TPST2: variants seen among roughly 807,000 people sequenced by gnomAD.
TPST2 encodes the protein protein-tyrosine sulfotransferase 2.
TPST2 carries 16 observed loss-of-function variants against 27.8 expected under a neutral mutation model. The observed-to-expected ratio is 0.58, with a 90% CI of 0.39 to 0.88. The LOEUF (loss-of-function observed/expected upper bound fraction) is 0.88. Ranked by LOEUF, TPST2 falls within the 40% of genes least tolerant of loss-of-function variation. The probability of loss-of-function intolerance (pLI) is 0.00; values close to 1 mark genes in which losing one functional copy is unlikely to be tolerated. For synonymous variants in TPST2, 229 were observed against 231.7 expected (o/e 0.99, Z 0.10); for missense variants, 464 against 543.1 (o/e 0.85, Z 1.45).
At chr22:26,532,650 T>G in intron 5 of TPST2, 45 bp downstream of exon 5, 1 of 1,593,246 alleles carries the variant, frequency 6.3e-7, no homozygotes, top group East Asian at 2.2e-5. Flanking sequence ...GATGGTGGTA[T>G]AGCTGAGAAA....
intron 5 of TPST2, among the ~76,000 whole-genome samples, chr22:26,530,631 C>CAAAAAAAAAAAAAAAAAAAAAAAAAA (rs34776057): frequency 3.4e-5 from 4 of 118,288 alleles, no homozygotes; most frequent in African/African-American, 6.5e-5. Context: ...AACCCCATCT[C>CAAAAAAAAAAAAAAAAAAAAAAAAAA]AAAAAAAAAA....
chr22:26,532,156 C>G (rs1010953916), intron 5 of TPST2, among the ~76,000 whole-genome samples: 3 of 152,198 alleles, frequency 2.0e-5, no homozygotes, highest in Non-Finnish European at 4.4e-5. Context: ...GTCCCTCCAA[C>G]TGCATTCAAG....
At chr22:26,554,026 G>A (rs1329439859) in intron 1 of TPST2, among the ~76,000 whole-genome samples, 1 of 152,158 alleles carries the variant, frequency 6.6e-6, no homozygotes. Context: ...TGACCCTCAT[G>A]ACAGGCTTGG....
At chr22:26,569,233 G>A (rs1444911460) in intron 1 of TPST2, among the ~76,000 whole-genome samples, 1 of 152,166 alleles carries the variant, frequency 6.6e-6, no homozygotes. Flanking sequence ...CCCCGTTCCA[G>A]TAACAGTTCC....
chr22:26,570,041 A>AAGAAAGACAGAC (rs1602296032), intron 1 of TPST2, among the ~76,000 whole-genome samples: 3 of 103,348 alleles, frequency 2.9e-5, no homozygotes, highest in African/African-American at 1.2e-4. Context: ...GAAAGAAAGA[A>AAGAAAGACAGAC]AGACAGAAAG....
chr22:26,568,772 C>T (rs957232863), intron 1 of TPST2, among the ~76,000 whole-genome samples: 1 of 152,186 alleles, frequency 6.6e-6, no homozygotes, highest in African/African-American at 2.4e-5. Context: ...AACCAGCAGT[C>T]CTCTGGGAGG....
In TPST2 at chr22:26,544,695, A is replaced by G. The variant is rs1421262685; in HGVS notation, c.-160-20T>C. The G allele has an allele frequency of 1.0e-5, 10 of 985,762 alleles. No individual in the cohort carries two copies. Among genetic ancestry groups the G allele is most frequent in the Non-Finnish European group, 1.2e-5 (10 of 829,950 alleles). The allele number at this position is 985,762 out of a possible 1,614,324, so 61.1% of individuals were successfully genotyped here. Reference sequence around the variant, plus strand: ...AGAGCCCTGGAGAGGCAAAGGAGATATTGCATCAGGGATGGGCACTGTGGA... The same window carrying G: ...AGAGCCCTGGAGAGGCAAAGGAGATGTTGCATCAGGGATGGGCACTGTGGA... On this transcript the variant is annotated intron_variant, in intron 1 of 6. Transcript: ENST00000338754.
intron 1 of TPST2, among the ~76,000 whole-genome samples, chr22:26,569,561 T>C (rs1927518647): frequency 6.6e-6 from 1 of 152,110 alleles, no homozygotes; most frequent in East Asian, 1.9e-4. Flanking sequence ...GGCAAGAGGA[T>C]CACTTCAAGG....
intron 4 of TPST2, chr22:26,535,963 C>G: frequency 2.3e-6 from 1 of 426,068 alleles, no homozygotes; most frequent in Non-Finnish European, 4.6e-6. Flanking sequence ...AGGTGCCTTA[C>G]AAACAGATAA....
chr22:26,582,179 C>G (rs1348809093), intron 1 of TPST2, among the ~76,000 whole-genome samples: 1 of 152,192 alleles, frequency 6.6e-6, no homozygotes, highest in African/African-American at 2.4e-5. Flanking sequence ...GTAATCCCAG[C>G]ATTTTGGGAG....
intron 1 of TPST2, among the ~76,000 whole-genome samples, chr22:26,566,248 C>T (rs1232582814): frequency 6.6e-6 from 1 of 151,972 alleles, no homozygotes; most frequent in African/African-American, 2.4e-5. Context: ...GAAACCCTGT[C>T]TCTATTAAAA....
At chr22:26,554,383 C>CAAA (rs1364090637) in intron 1 of TPST2, among the ~76,000 whole-genome samples, 1 of 152,144 alleles carries the variant, frequency 6.6e-6, no homozygotes, top group East Asian at 1.9e-4. Context: ...GTAAACAAGG[C>CAAA]AAACAGGAAA....
At chr22:26,579,853 G>C (rs917093908) in intron 1 of TPST2, among the ~76,000 whole-genome samples, 4 of 144,612 alleles carry the variant, frequency 2.8e-5, no homozygotes, top group Admixed American at 2.1e-4. Flanking sequence ...CAGAGGAGAG[G>C]CAAAGATGGG....
intron 1 of TPST2, chr22:26,555,123 G>A: frequency 1.9e-6 from 1 of 528,358 alleles, no homozygotes; most frequent in Admixed American, 1.9e-5. Context: ...GGAGCTGAGG[G>A]AATTTGCATT....
At chr22:26,526,923 C>T (rs1924874905) in intron 6 of TPST2, among the ~76,000 whole-genome samples, 1 of 152,054 alleles carries the variant, frequency 6.6e-6, no homozygotes, top group Non-Finnish European at 1.5e-5. Context: ...ACTAAAAATA[C>T]AAAAATTAGC....
At chr22:26,556,476 G>A (rs190612873) in intron 1 of TPST2, among the ~76,000 whole-genome samples, 97 of 152,288 alleles carry the variant, frequency 6.4e-4, no homozygotes, top group African/African-American at 2.0e-3. Flanking sequence ...GGAGGCAGAG[G>A]TTGCAGTGAG....
chr22:26,561,038 A>G, intron 1 of TPST2: 1 of 1,598,010 alleles, frequency 6.3e-7, no homozygotes, highest in South Asian at 1.1e-5. Context: ...CTGATGCAGC[A>G]AAAAAGGGAG....
At chr22:26,560,397 G>C (rs1047499130) in intron 1 of TPST2, 3 of 608,054 alleles carry the variant, frequency 4.9e-6, no homozygotes, top group Non-Finnish European at 8.7e-6. Flanking sequence ...AGTGCCATAT[G>C]ACTTTTGTAA....
At chr22:26,569,777 C>G (rs1428123752) in intron 1 of TPST2, among the ~76,000 whole-genome samples, 1 of 151,846 alleles carries the variant, frequency 6.6e-6, no homozygotes, top group African/African-American at 2.4e-5. Context: ...TGGTAAAACC[C>G]TGTTTCTACT....
Sources: allele counts gnomAD v4.1 joint callset (sites outside exome capture counted in the v4.1 genomes callset), GRCh38; gene constraint gnomAD v4.1.1; transcripts MANE v1.5; gene names NCBI Gene and HGNC (gene_info 2026-07-23, HGNC 2026-07-21).